The following LRIG1 variants were observed in gnomAD, a reference collection of about 807,000 sequenced individuals.
LRIG1 encodes leucine-rich repeats and immunoglobulin-like domains protein 1.
LRIG1 carries 48 observed loss-of-function variants against 99.2 expected under a neutral mutation model. The observed-to-expected ratio is 0.48, with a 90% confidence interval of 0.38 to 0.62. The LOEUF is 0.62. Among genes scored for constraint, LRIG1 ranks in the 20% least tolerant of loss-of-function variants. The pLI, the probability that LRIG1 is intolerant of heterozygous loss-of-function variation, is 0.00. For synonymous variants in LRIG1, 772 were observed against 596.1 expected (o/e 1.29, Z -4.30); for missense variants, 1,646 against 1,434.4 (o/e 1.15, Z -2.38).
chr3:66,395,151 T>A (rs544813736), intron 11 of LRIG1, among the ~76,000 whole-genome samples: 2 of 152,278 alleles, frequency 1.3e-5, no homozygotes, highest in African/African-American at 4.8e-5. Flanking sequence ...TGGCCCACGA[T>A]AAGGGAAGAC....
intron 3 of LRIG1, among the ~76,000 whole-genome samples, chr3:66,437,548 A>G (rs1173827428): frequency 6.6e-6 from 1 of 152,178 alleles, no homozygotes; most frequent in East Asian, 1.9e-4. Flanking sequence ...CACTTCTACT[A>G]TAACGTGCCC....
intron 8 of LRIG1, chr3:66,406,283 A>C: frequency 1.0e-6 from 1 of 985,260 alleles, no homozygotes; most frequent in Non-Finnish European, 1.2e-6. Flanking sequence ...TACTGAAAAA[A>C]CCAGGAACCA....
chr3:66,462,361 C>A lies in LRIG1; in HGVS notation c.290+77G>T, dbSNP rs777208413. 5 of 1,021,988 alleles carry A rather than the reference C, an allele frequency of 4.9e-6. 1 individual carries two copies. In the East Asian group the frequency reaches 1.2e-4, roughly 25 times the overall value. 63.3% of individuals were successfully genotyped at this position (1,021,988 alleles called of 1,614,324 possible). ...TACACTGCGGATCTAGGGGAGTGAG[C>A]GATGCTGCAATACAAGAGGATTTTC... On this transcript the variant is annotated intron_variant, in intron 2 of 18. Transcript: ENST00000273261.
rs1575643318 is a variant in LRIG1, at chr3:66,383,302, A to G, written c.2171T>C (p.Ile724Thr). The G allele has an allele frequency of 1.2e-6, 2 of 1,609,746 alleles. No homozygotes were observed. Among genetic ancestry groups the G allele is most frequent in the South Asian group, 2.2e-5 (2 of 90,966 alleles). ...CGGGCGGTCCCCCTTGAACCAGGTG[A>G]TGCGGGGCGGAGGGTTCCCCGTGGC... ...CKATGNPPPR[I>T]TWFKGDRPLS... Residue 724 changes from isoleucine to threonine, a missense_variant, in exon 15 of 19, where the codon ATC becomes ACC. Coordinates refer to ENST00000273261, the MANE Select transcript of LRIG1 (RefSeq NM_015541.3).
intron 12 of LRIG1, among the ~76,000 whole-genome samples, chr3:66,388,530 A>G (rs1575650260): frequency 6.6e-6 from 1 of 152,216 alleles, no homozygotes; most frequent in African/African-American, 2.4e-5. Context: ...AAGTAGAGTA[A>G]ATTCAAAGAT....
At chr3:66,390,849 C>T (rs1398429059) in intron 12 of LRIG1, among the ~76,000 whole-genome samples, 1 of 152,020 alleles carries the variant, frequency 6.6e-6, no homozygotes. Context: ...TTTTGCATTT[C>T]AACTATCAAG....
intron 3 of LRIG1, among the ~76,000 whole-genome samples, chr3:66,447,331 A>G (rs1286511690): frequency 6.6e-6 from 1 of 152,152 alleles, no homozygotes; most frequent in Non-Finnish European, 1.5e-5. Context: ...TTTTGTACCC[A>G]TTGACCAGCC....
At chr3:66,420,991 G>A (rs552843956) in intron 3 of LRIG1, among the ~76,000 whole-genome samples, 1 of 152,290 alleles carries the variant, frequency 6.6e-6, no homozygotes, top group East Asian at 1.9e-4. Flanking sequence ...GCAAAAAAAA[G>A]GGCTTGTGCA....
At chr3:66,394,394 T>C (rs1304876252) in intron 11 of LRIG1, among the ~76,000 whole-genome samples, 191 bp from the exon 12 acceptor site, 1 of 152,172 alleles carries the variant, frequency 6.6e-6, no homozygotes, top group African/African-American at 2.4e-5. Flanking sequence ...CCTGGAGATT[T>C]TGAAAAAATG....
rs866139075 is a variant in LRIG1, at chr3:66,407,602, T to C, written c.936-111A>G. On this transcript the variant is annotated intron_variant, in intron 7 of 18. Coordinates refer to ENST00000273261, the MANE Select transcript of LRIG1 (RefSeq NM_015541.3). Reference sequence around the variant, plus strand: ...GGGTTTCAGTGGGAAATGACACAGATGCACACGCACGCGCGTGCGTGCACA... The same window carrying C: ...GGGTTTCAGTGGGAAATGACACAGACGCACACGCACGCGCGTGCGTGCACA... 13 of 1,258,250 alleles carry C rather than the reference T, an allele frequency of 1.0e-5. No individual in the cohort carries two copies. In the Middle Eastern group the frequency reaches 1.2e-3, roughly 119 times the overall value. 77.9% of individuals were successfully genotyped at this position (1,258,250 alleles called of 1,614,324 possible). A position where few individuals can be genotyped will look rare whatever the true frequency, so the allele number is the denominator to read the frequency against.
intron 3 of LRIG1, among the ~76,000 whole-genome samples, chr3:66,437,734 T>C (rs923575909): frequency 1.8e-4 from 27 of 152,160 alleles, no homozygotes; most frequent in African/African-American, 6.3e-4. Flanking sequence ...ACGTGGCTAC[T>C]GTGCCATCAG....
At chr3:66,474,721 TGCAGGTCCAG>T (rs1308913466) in intron 1 of LRIG1, among the ~76,000 whole-genome samples, 1 of 152,194 alleles carries the variant, frequency 6.6e-6, no homozygotes, top group Admixed American at 6.5e-5. Flanking sequence ...CACTCCCATT[TGCAGGTCCAG>T]GTCATTTACT....
Position 66,383,136 on chromosome 3 carries a change from G to C in LRIG1, c.2337C>G (p.Ser779Arg). Residue 779 changes from serine (S) to arginine (R), a missense_variant, in exon 15 of 19, where the codon AGC becomes AGG. Physicochemically the swap from Ser to Arg is moderately radical, Grantham distance 110. Coordinates refer to ENST00000273261, the MANE Select transcript of LRIG1 (RefSeq NM_015541.3). Reference sequence around the variant, plus strand: ...TCCTGCAGCCTGCTGCGGGCAGGACGCTCAGCTGGCTGTGAGCTCGCTCCG... The same window carrying C: ...TCCTGCAGCCTGCTGCGGGCAGGACCCTCAGCTGGCTGTGAGCTCGCTCCG... ...LGTERAHSQL[S>R]VLPAAGCRKD... The C allele has an allele frequency of 1.2e-6, 2 of 1,614,238 alleles. No individual in the cohort carries two copies. Among genetic ancestry groups the C allele is most frequent in the South Asian group, 2.2e-5 (2 of 91,092 alleles).
At chr3:66,483,358 C>T (rs1700894584) in intron 1 of LRIG1, among the ~76,000 whole-genome samples, 1 of 152,212 alleles carries the variant, frequency 6.6e-6, no homozygotes, top group African/African-American at 2.4e-5. Context: ...GAAGTCCAAG[C>T]TAAAAAGGCC....
intron 3 of LRIG1, among the ~76,000 whole-genome samples, chr3:66,429,793 T>G (rs968187463): frequency 1.3e-5 from 2 of 151,576 alleles, no homozygotes; most frequent in South Asian, 2.1e-4. Flanking sequence ...GGTGGGTGTG[T>G]GTGTGTGTGT....
intron 1 of LRIG1, among the ~76,000 whole-genome samples, chr3:66,497,819 T>C (rs1266819461): frequency 6.6e-6 from 1 of 151,378 alleles, no homozygotes; most frequent in Non-Finnish European, 1.5e-5. Flanking sequence ...CATGGGTTTA[T>C]AAACTAGCTC....
At chr3:66,485,293 C>T (rs1398157993) in intron 1 of LRIG1, among the ~76,000 whole-genome samples, 4 of 152,148 alleles carry the variant, frequency 2.6e-5, no homozygotes, top group Non-Finnish European at 4.4e-5. Flanking sequence ...ACAGCACTCT[C>T]CCAGGACTAC....
intron 3 of LRIG1, among the ~76,000 whole-genome samples, chr3:66,432,342 A>G (rs971709733): frequency 6.6e-6 from 1 of 152,228 alleles, no homozygotes; most frequent in African/African-American, 2.4e-5. Context: ...CCAATGCTGC[A>G]CAGGGCCATG....
At chr3:66,387,910 A>G (rs1467762384) in intron 12 of LRIG1, 1 of 149,588 alleles carries the variant, frequency 6.7e-6, no homozygotes, top group Non-Finnish European at 1.5e-5. Context: ...ATCCTGGCTA[A>G]CATGGGGAAA....
Sources: gnomAD v4.1 joint callset for allele counts (sites outside exome capture counted in the v4.1 genomes callset) on GRCh38, gnomAD v4.1.1 for gene constraint, MANE v1.5 for transcripts, NCBI Gene and HGNC (gene_info 2026-07-23, HGNC 2026-07-21) for gene names.